NSMCE1: variants seen among roughly 807,000 people sequenced by gnomAD.
NSMCE1 encodes the protein NSE1 component of SMC5/6 complex.
NSMCE1 carries 18 observed loss-of-function variants against 29.6 expected under a neutral mutation model. That is an observed-to-expected ratio of 0.61 (90% CI 0.42 to 0.90). The LOEUF is 0.90. Among genes scored for constraint, NSMCE1 ranks in the 40% least tolerant of loss-of-function variants. NSMCE1 has a pLI of 0.00. For missense variants in NSMCE1, 314 were observed against 343.6 expected (o/e 0.91, Z 0.68); for synonymous variants, 124 against 133.4 (o/e 0.93, Z 0.49).
At chr16:27,235,396 G>A in intron 2 of NSMCE1, 97 bp from the exon 3 acceptor site, 1 of 1,380,936 alleles carries the variant, frequency 7.2e-7, no homozygotes. Flanking sequence ...CAACGCAGGG[G>A]ACAGCAACCC....
At chr16:27,262,561 C>T (rs905832299) in intron 1 of NSMCE1, among the ~76,000 whole-genome samples, 2 of 152,092 alleles carry the variant, frequency 1.3e-5, no homozygotes, top group Non-Finnish European at 2.9e-5. Flanking sequence ...TGAGGCTGGA[C>T]CCCTTCCTTA....
intron 2 of NSMCE1, among the ~76,000 whole-genome samples, chr16:27,254,961 C>T (rs929589667): frequency 6.9e-6 from 1 of 144,410 alleles, no homozygotes; most frequent in African/African-American, 2.5e-5. Flanking sequence ...CTCACTGCAG[C>T]ATCTGCCTCC....
intron 5 of NSMCE1, among the ~76,000 whole-genome samples, chr16:27,231,562 G>A (rs551520614): frequency 7.5e-4 from 114 of 152,132 alleles, no homozygotes; most frequent in Non-Finnish European, 6.3e-4. Flanking sequence ...GCTTGAATCC[G>A]GGAGGTTGAG....
Position 27,237,584 on chromosome 16 carries a change from T to C in NSMCE1, c.137-2285A>G, listed in dbSNP as rs2083839883. On this transcript the variant is annotated intron_variant, in intron 2 of 7. Coordinates refer to ENST00000361439, the MANE Select transcript of NSMCE1 (RefSeq NM_145080.4). Reference sequence around the variant, plus strand: ...TCAAAAAGCCTCGTTCAGTGCGGAGTGAGTGACAGGAACCCTGTCCACCCA... The same window carrying C: ...TCAAAAAGCCTCGTTCAGTGCGGAGCGAGTGACAGGAACCCTGTCCACCCA... Among the ~76,000 whole-genome samples, 4 of 151,954 alleles carry C rather than the reference T, an allele frequency of 2.6e-5. No individual in the cohort carries two copies. In the South Asian group the frequency reaches 8.3e-4, roughly 32 times the overall value.
At chr16:27,261,166 C>CAA (rs11420728) in intron 1 of NSMCE1, among the ~76,000 whole-genome samples, 6,161 of 97,878 alleles carry the variant, frequency 0.063, 258 homozygotes, top group Middle Eastern at 0.094. Context: ...GACTCCGTCT[C>CAA]AAAAAAAAAA....
At chr16:27,252,428 A>G (rs180836166) in intron 2 of NSMCE1, among the ~76,000 whole-genome samples, 1 of 152,352 alleles carries the variant, frequency 6.6e-6, no homozygotes. Context: ...TGGTGGATTC[A>G]CAATTTTGTG....
At chr16:27,259,876 C>T (rs1366103458) in intron 1 of NSMCE1, among the ~76,000 whole-genome samples, 2 of 152,220 alleles carry the variant, frequency 1.3e-5, no homozygotes, top group African/African-American at 2.4e-5. Context: ...ACAGTGGAAA[C>T]ATATCTTCTA....
chr16:27,249,837 T>C (rs2084003677), intron 2 of NSMCE1, among the ~76,000 whole-genome samples: 1 of 152,246 alleles, frequency 6.6e-6, no homozygotes, highest in Non-Finnish European at 1.5e-5. Context: ...TTTGAATCTA[T>C]AGATCAATTT....
At chr16:27,261,651 A>C (rs1485771941) in intron 1 of NSMCE1, among the ~76,000 whole-genome samples, 2 of 152,198 alleles carry the variant, frequency 1.3e-5, no homozygotes, top group African/African-American at 2.4e-5. Context: ...AAAAACAAAT[A>C]ATTTCAAATG....
rs1171252219 is a variant in NSMCE1, at chr16:27,225,565, C to T, written c.721+161G>A. 4.6e-5 allele frequency among the ~76,000 whole-genome samples: 7 copies of T among 152,338 alleles called. No individual in the cohort carries two copies. The South Asian group carries it at 1.2e-3, about 27-fold the overall frequency. On this transcript the variant is annotated intron_variant, in intron 7 of 7. Coordinates refer to ENST00000361439, the MANE Select transcript of NSMCE1 (RefSeq NM_145080.4). ...TCTGGAGCGGTGCACGTAGCTCAGC[C>T]TTTACTTCCTGCAGTGGCTTCTTCT... is the stretch of plus-strand genomic sequence containing the variant.
At chr16:27,226,510 C>T in intron 6 of NSMCE1, 2 of 532,854 alleles carry the variant, frequency 3.8e-6, no homozygotes, top group Non-Finnish European at 6.7e-6. Context: ...ACAGCAGAAC[C>T]AGGGAGGAGG....
chr16:27,242,989 A>G (rs1050992198), intron 2 of NSMCE1, among the ~76,000 whole-genome samples: 5 of 152,218 alleles, frequency 3.3e-5, no homozygotes, highest in Non-Finnish European at 5.9e-5. Flanking sequence ...CACTGAGCGA[A>G]CTGAAAATGG....
rs569850920 is a variant in NSMCE1, at chr16:27,244,538, C to T, written c.137-9239G>A. 1.1e-4 allele frequency among the ~76,000 whole-genome samples: 16 copies of T among 152,348 alleles called. No homozygotes were observed. In the East Asian group the frequency reaches 3.1e-3, roughly 29 times the overall value. On this transcript the variant is annotated intron_variant, in intron 2 of 7. Coordinates refer to ENST00000361439, the MANE Select transcript of NSMCE1 (RefSeq NM_145080.4). ...CTTTCTGTCCCCCACTCCCCCACAC[C>T]AAGCTCCTCCCCATCTCAGCCCCTT... is the stretch of plus-strand genomic sequence containing the variant.
At chr16:27,227,762 C>T (rs2140984988) in intron 5 of NSMCE1, among the ~76,000 whole-genome samples, 1 of 150,012 alleles carries the variant, frequency 6.7e-6, no homozygotes, top group African/African-American at 2.4e-5. Context: ...CAAGAGCTGT[C>T]ACTCCCGTTT....
At chr16:27,264,575 A>G (rs1402596016) in intron 1 of NSMCE1, among the ~76,000 whole-genome samples, 1 of 152,210 alleles carries the variant, frequency 6.6e-6, no homozygotes, top group Non-Finnish European at 1.5e-5. Flanking sequence ...CTTGTTATCC[A>G]TATGTAAAAA....
At chr16:27,225,978 A>G in intron 6 of NSMCE1, 132 bp from the exon 7 acceptor site, 1 of 1,058,954 alleles carries the variant, frequency 9.4e-7, no homozygotes, top group Non-Finnish European at 1.4e-6. Context: ...TTAATATTGA[A>G]AATAATCCCA....
At chr16:27,225,448 C>G (rs1012007126) in intron 7 of NSMCE1, among the ~76,000 whole-genome samples, 1 of 152,238 alleles carries the variant, frequency 6.6e-6, no homozygotes, top group East Asian at 1.9e-4. Context: ...ATAGCTTTCA[C>G]GTCCCCCTCC....
intron 7 of NSMCE1, 124 bp from the exon 8 acceptor site, chr16:27,225,360 C>A (rs1018107033): frequency 3.0e-6 from 2 of 668,400 alleles, no homozygotes; most frequent in Non-Finnish European, 2.7e-6. Flanking sequence ...CCATCCTTCA[C>A]TGCTAACCCT....
chr16:27,225,169 G>A lies in NSMCE1; in HGVS notation c.789C>T (p.Ser263=). 1.2e-6 allele frequency: 2 copies of A among 1,600,212 alleles called. No individual in the cohort carries two copies. The highest frequency in any genetic ancestry group is 1.7e-6 in the Non-Finnish European group (2 of 1,171,002). The part of the protein sequence containing the change: ...VLKSNKKSLR[S]RQH ...CAGGGCACGATGGCTAATGCTGCCT[G>A]GACCGCAGGGACTTTTTGTTCGATT... The change falls in exon 8 of 8, where the codon TCC becomes TCT. Residue 263 remains serine (S), a synonymous_variant. Coordinates refer to ENST00000361439, the MANE Select transcript of NSMCE1 (RefSeq NM_145080.4).
Sources: allele counts gnomAD v4.1 joint callset (sites outside exome capture counted in the v4.1 genomes callset), GRCh38; gene constraint gnomAD v4.1.1; transcripts MANE v1.5; gene names NCBI Gene and HGNC (gene_info 2026-07-23, HGNC 2026-07-21).